The following SLC35F1 variants were observed in gnomAD, a reference collection of about 807,000 sequenced individuals.
SLC35F1 encodes chromosome 6 open reading frame 169.
Under a neutral mutation model 48.7 loss-of-function variants are expected in SLC35F1, and 14 were observed. That is an observed-to-expected ratio of 0.29 (90% confidence interval 0.19 to 0.45). SLC35F1 has a LOEUF of 0.45. Ranked by LOEUF, SLC35F1 falls within the 20% of genes least tolerant of loss-of-function variation. SLC35F1 has a pLI of 1.00. For synonymous variants in SLC35F1, 190 were observed against 202.2 expected, an observed-to-expected ratio of 0.94 and a Z score of 0.51; for missense variants, 404 against 500.0, an observed-to-expected ratio of 0.81 and a Z score of 1.83.
intron 1 of SLC35F1, among the ~76,000 whole-genome samples, chr6:118,050,111 A>C (rs953778354): frequency 6.6e-6 from 1 of 152,104 alleles, no homozygotes; most frequent in African/African-American, 2.4e-5. Flanking sequence ...AAACTATCAC[A>C]AGGACAAAAA....
intron 1 of SLC35F1, among the ~76,000 whole-genome samples, chr6:118,007,459 C>T (rs1777188219): frequency 2.0e-5 from 3 of 152,144 alleles, no homozygotes; most frequent in Admixed American, 2.0e-4. Flanking sequence ...CTGTAATCCC[C>T]ATGGTTGTAG....
chr6:118,257,251 T>C (rs747436199), intron 3 of SLC35F1, among the ~76,000 whole-genome samples: 20 of 152,062 alleles, frequency 1.3e-4, no homozygotes, highest in Admixed American at 1.2e-3. Flanking sequence ...TAATATCCAG[T>C]AGGAGACTTT....
chr6:118,119,450 CAT>C (rs1164117441), intron 1 of SLC35F1, among the ~76,000 whole-genome samples: 1 of 148,878 alleles, frequency 6.7e-6, no homozygotes, highest in East Asian at 2.0e-4. Context: ...GTCTAGACAA[CAT>C]ATAATATTAG....
intron 1 of SLC35F1, among the ~76,000 whole-genome samples, chr6:118,105,835 T>C (rs1416681086): frequency 1.3e-5 from 2 of 152,170 alleles, no homozygotes; most frequent in African/African-American, 4.8e-5. Context: ...TCAAAGGAGA[T>C]AGTATGATGA....
chr6:117,923,646 C>CATATACGT lies in SLC35F1; in HGVS notation c.173+15751_173+15752insACGTATAT, dbSNP rs1178826026. The stretch of plus-strand genomic sequence containing the variant: ...ATATATACATATATGTACATATGTA[C>CATATACGT]ATATGTACATATGTATATATACATA... On this transcript the variant is annotated intron_variant, in intron 1 of 7. Coordinates refer to ENST00000360388, the MANE Select transcript of SLC35F1 (RefSeq NM_001029858.4). Among the ~76,000 whole-genome samples, 14 of 102,018 alleles carry CATATACGT rather than the reference C, an allele frequency of 1.4e-4. 1 individual carries two copies. Among genetic ancestry groups the CATATACGT allele is most frequent in the African/African-American group, 5.7e-4 (14 of 24,712 alleles). 66.9% of individuals were successfully genotyped at this position (102,018 alleles called of 152,430 possible).
At chr6:118,226,314 A>G (rs1472630407) in intron 2 of SLC35F1, among the ~76,000 whole-genome samples, 2 of 152,234 alleles carry the variant, frequency 1.3e-5, no homozygotes, top group Admixed American at 6.5e-5. Flanking sequence ...TTCCTCAAAA[A>G]GCTAGAAATA....
intron 1 of SLC35F1, among the ~76,000 whole-genome samples, chr6:118,134,040 A>G (rs1773756591): frequency 6.6e-6 from 1 of 152,232 alleles, no homozygotes; most frequent in African/African-American, 2.4e-5. Flanking sequence ...GTGTCCTTCT[A>G]TCTCTTCCCT....
At chr6:117,946,726 A>G (rs1776299368) in intron 1 of SLC35F1, among the ~76,000 whole-genome samples, 1 of 152,230 alleles carries the variant, frequency 6.6e-6, no homozygotes, top group South Asian at 2.1e-4. Flanking sequence ...CTGTAGAAAA[A>G]CATTGACCTT....
chr6:118,127,935 A>G (rs1773652012), intron 1 of SLC35F1, among the ~76,000 whole-genome samples: 2 of 152,232 alleles, frequency 1.3e-5, no homozygotes, highest in South Asian at 4.1e-4. Flanking sequence ...AATATCCAGA[A>G]TCTACAAAGA....
chr6:117,982,444 A>C (rs17821501), intron 1 of SLC35F1, among the ~76,000 whole-genome samples: 35,192 of 152,162 alleles, frequency 0.23, 4,604 homozygotes, highest in Admixed American at 0.33. Flanking sequence ...CTTTTCCCTA[A>C]TCTTCATTCT....
chr6:117,922,865 A>T (rs1035016000), intron 1 of SLC35F1, among the ~76,000 whole-genome samples: 2 of 152,196 alleles, frequency 1.3e-5, no homozygotes, highest in African/African-American at 4.8e-5. Context: ...CCACTTTATG[A>T]CCATGAAGTT....
chr6:117,921,139 A>G (rs1775893695), intron 1 of SLC35F1, among the ~76,000 whole-genome samples: 1 of 151,940 alleles, frequency 6.6e-6, no homozygotes, highest in Non-Finnish European at 1.5e-5. Context: ...AATTGATGAT[A>G]GCCCCCCAAC....
chr6:118,225,789 T>C (rs1213617421), intron 2 of SLC35F1, among the ~76,000 whole-genome samples: 1 of 149,702 alleles, frequency 6.7e-6, no homozygotes, highest in African/African-American at 2.5e-5. Flanking sequence ...GGCAGGAGAA[T>C]GGCATGAACC....
At chr6:118,213,400 C>T (rs1775033304) in intron 2 of SLC35F1, among the ~76,000 whole-genome samples, 1 of 152,122 alleles carries the variant, frequency 6.6e-6, no homozygotes, top group South Asian at 2.1e-4. Flanking sequence ...ATACACAGTG[C>T]TGGTGGAGTA....
intron 3 of SLC35F1, among the ~76,000 whole-genome samples, chr6:118,244,343 C>T (rs559985673): frequency 8.5e-5 from 13 of 152,378 alleles, no homozygotes; most frequent in Middle Eastern, 3.4e-3. Context: ...ATTGAAGCAG[C>T]AATGTTACAG....
chr6:118,302,397 CA>C (rs1776263017), intron 7 of SLC35F1, among the ~76,000 whole-genome samples: 1 of 152,170 alleles, frequency 6.6e-6, no homozygotes, highest in African/African-American at 2.4e-5. Context: ...ATAATATTAT[CA>C]AATTAACTTT....
chr6:117,956,382 G>A (rs931293131), intron 1 of SLC35F1, among the ~76,000 whole-genome samples: 6 of 152,316 alleles, frequency 3.9e-5, no homozygotes, highest in African/African-American at 1.4e-4. Flanking sequence ...GAACATATAA[G>A]GGGCAATGCA....
rs546543431 is a variant in SLC35F1, at chr6:118,141,662, C to T, written c.174-12783C>T. 2.0e-5 allele frequency among the ~76,000 whole-genome samples: 3 copies of T among 152,258 alleles called. No individual in the cohort carries two copies. In the South Asian group the frequency reaches 6.2e-4, roughly 32 times the overall value. ...ATCCTTTTTACCCTGTTCATGAGGA[C>T]TCCATCCTCATGACCTAATCAGCAT... On this transcript the variant is annotated intron_variant, in intron 1 of 7. Coordinates refer to ENST00000360388, the MANE Select transcript of SLC35F1 (RefSeq NM_001029858.4).
rs1562238825 is a variant in SLC35F1, at chr6:117,923,702, T to TATGTAC, written c.173+15805_173+15806insGTACAT. Among the ~76,000 whole-genome samples, 14 of 17,484 alleles carry TATGTAC rather than the reference T, an allele frequency of 8.0e-4. 4 individuals carry two copies. The highest frequency in any genetic ancestry group is 5.2e-3 in the South Asian group (1 of 192). The allele number at this position is 17,484 out of a possible 152,430, so 11.5% of individuals were successfully genotyped here. ...ACATATATACATATGTACATATACA[T>TATGTAC]ATATGTACATATATACATATATACA... On this transcript the variant is annotated intron_variant, in intron 1 of 7. Coordinates refer to ENST00000360388, the MANE Select transcript of SLC35F1 (RefSeq NM_001029858.4).
Sources: allele counts gnomAD v4.1 joint callset (sites outside exome capture counted in the v4.1 genomes callset), GRCh38; gene constraint gnomAD v4.1.1; transcripts MANE v1.5; gene names NCBI Gene and HGNC (gene_info 2026-07-23, HGNC 2026-07-21).